The following VSTM4 variants were observed in gnomAD, a reference collection of about 807,000 sequenced individuals.
The protein encoded by VSTM4 is V-set and transmembrane domain-containing protein 4.
VSTM4 carries 20 observed loss-of-function variants against 36.4 expected under a neutral mutation model. The observed-to-expected ratio is 0.55, with a 90% CI of 0.39 to 0.80. VSTM4 has a LOEUF of 0.80. Among genes scored for constraint, VSTM4 ranks in the 30% least tolerant of loss-of-function variants. The pLI is 0.00. For synonymous variants in VSTM4, 182 were observed against 173.9 expected, an observed-to-expected ratio of 1.05 and a Z score of -0.37; for missense variants, 392 against 404.5, an observed-to-expected ratio of 0.97 and a Z score of 0.26.
Position 49,016,416 on chromosome 10 carries a change from C to T in VSTM4, c.*3234G>A, listed in dbSNP as rs1336453090. 6.6e-6 allele frequency: 1 copy of T among 152,214 alleles called. No homozygotes were observed. Among genetic ancestry groups the T allele is most frequent in the Admixed American group, 6.5e-5 (1 of 15,284 alleles). 9.4% of individuals were successfully genotyped at this position (152,214 alleles called of 1,614,324 possible). On this transcript the variant is annotated 3_prime_UTR_variant, in exon 8 of 8. Coordinates refer to ENST00000332853, the MANE Select transcript of VSTM4 (RefSeq NM_001031746.5). ...ATAGATATGTGCCATTCCAGCTTCA[C>T]TGCCCAAGGCAAAGATGATTTCTTT...
At chr10:49,110,805 T>C (rs537512058) in intron 1 of VSTM4, among the ~76,000 whole-genome samples, 4 of 152,242 alleles carry the variant, frequency 2.6e-5, no homozygotes, top group East Asian at 1.9e-4. Context: ...AGCACCTTGA[T>C]TGGATTTCCA....
chr10:49,048,149 A>C (rs772852804), intron 6 of VSTM4, among the ~76,000 whole-genome samples: 3 of 152,082 alleles, frequency 2.0e-5, no homozygotes, highest in South Asian at 2.1e-4. Flanking sequence ...CCACCACCCC[A>C]CCTCATGTGT....
intron 1 of VSTM4, among the ~76,000 whole-genome samples, chr10:49,109,798 T>A (rs1202421716): frequency 6.6e-6 from 1 of 152,196 alleles, no homozygotes; most frequent in East Asian, 1.9e-4. Context: ...GGACCCACTC[T>A]GGTAGCAATC....
chr10:49,060,853 C>T (rs1469074353), intron 5 of VSTM4, among the ~76,000 whole-genome samples: 1 of 152,152 alleles, frequency 6.6e-6, no homozygotes, highest in African/African-American at 2.4e-5. Context: ...CAATGTGAGA[C>T]AAGGGTCTCA....
chr10:49,077,146 T>G (rs1355932482), intron 4 of VSTM4, 73 bp downstream of exon 4: 6 of 1,472,670 alleles, frequency 4.1e-6, no homozygotes, highest in Non-Finnish European at 5.6e-6. Context: ...GGTGGTACTT[T>G]GTCTAGCATC....
chr10:49,035,192 C>T (rs11591665), intron 7 of VSTM4, among the ~76,000 whole-genome samples: 15,771 of 152,192 alleles, frequency 0.1, 1,092 homozygotes, highest in Middle Eastern at 0.18. Context: ...ATCCTCCAGC[C>T]CAGCACATCT....
intron 1 of VSTM4, among the ~76,000 whole-genome samples, chr10:49,110,494 G>C (rs1844873482): frequency 6.6e-6 from 1 of 152,134 alleles, no homozygotes; most frequent in Non-Finnish European, 1.5e-5. Flanking sequence ...ACAAACTTCT[G>C]TTTCTTCTAC....
intron 5 of VSTM4, among the ~76,000 whole-genome samples, chr10:49,052,132 G>A (rs1843707654): frequency 1.3e-5 from 2 of 152,118 alleles, no homozygotes; most frequent in Admixed American, 1.3e-4. Context: ...AATTTCTAAA[G>A]CTGGAATTAC....
At chr10:49,078,447 C>A (rs1021852603) in intron 3 of VSTM4, among the ~76,000 whole-genome samples, 9 of 151,560 alleles carry the variant, frequency 5.9e-5, no homozygotes, top group African/African-American at 1.9e-4. Context: ...CACACCACAG[C>A]ATCCTCAGAA....
chr10:49,056,013 G>A (rs1472318047), intron 5 of VSTM4, among the ~76,000 whole-genome samples: 1 of 152,268 alleles, frequency 6.6e-6, no homozygotes, highest in African/African-American at 2.4e-5. Flanking sequence ...GGGTTGCAAA[G>A]CTGTGCTCTC....
chr10:49,025,812 G>T (rs1843251974), intron 7 of VSTM4, among the ~76,000 whole-genome samples: 1 of 152,236 alleles, frequency 6.6e-6, no homozygotes, highest in South Asian at 2.1e-4. Context: ...GACAGATCCT[G>T]CAGTCAGCTG....
Position 49,085,954 on chromosome 10 carries a change from C to T in VSTM4, c.526+1G>A. ...AAAAAAAAGAAATATACAAGCTTTA[C>T]CTTCAAAAAATGCCCAAGTCTCTTT... On this transcript the variant is annotated splice_donor_variant, in intron 3 of 7. Transcript: ENST00000332853. LOFTEE classifies it high-confidence loss of function. The T allele has an allele frequency of 2.5e-6, 4 of 1,577,762 alleles. No homozygotes were observed. The highest frequency in any genetic ancestry group is 3.4e-6 in the Non-Finnish European group (4 of 1,161,422).
At chr10:49,105,189 G>A (rs1409888141) in intron 2 of VSTM4, among the ~76,000 whole-genome samples, 3 of 142,206 alleles carry the variant, frequency 2.1e-5, no homozygotes, top group African/African-American at 8.0e-5. Flanking sequence ...AAGAGACAGA[G>A]AGAGAGAGGG....
chr10:49,020,835 G>C (rs555431811), intron 7 of VSTM4, among the ~76,000 whole-genome samples: 5 of 152,082 alleles, frequency 3.3e-5, no homozygotes, highest in African/African-American at 1.2e-4. Flanking sequence ...CAAATTTTAA[G>C]TTAAATTTAC....
At chr10:49,057,571 T>C (rs1843802821) in intron 5 of VSTM4, among the ~76,000 whole-genome samples, 1 of 152,212 alleles carries the variant, frequency 6.6e-6, no homozygotes, top group South Asian at 2.1e-4. Context: ...ATATTCTTTA[T>C]GCCAGGAACC....
chr10:49,081,190 C>T (rs976109771), intron 3 of VSTM4, among the ~76,000 whole-genome samples: 1 of 152,146 alleles, frequency 6.6e-6, no homozygotes, highest in African/African-American at 2.4e-5. Flanking sequence ...CAAACTACTC[C>T]AGAACAGGAT....
chr10:49,036,313 C>G (rs570756529), intron 7 of VSTM4, among the ~76,000 whole-genome samples: 1 of 152,190 alleles, frequency 6.6e-6, no homozygotes, highest in Non-Finnish European at 1.5e-5. Flanking sequence ...GAAATTTTAT[C>G]TCTGCAAAAA....
intron 7 of VSTM4, among the ~76,000 whole-genome samples, chr10:49,027,228 T>C (rs750684348): frequency 1.9e-4 from 29 of 152,166 alleles, no homozygotes; most frequent in Non-Finnish European, 3.2e-4. Context: ...AAGGAAGGCA[T>C]TTTACAACAA....
At chr10:49,054,862 G>T (rs1393229313) in intron 5 of VSTM4, among the ~76,000 whole-genome samples, 2 of 152,172 alleles carry the variant, frequency 1.3e-5, no homozygotes, top group African/African-American at 4.8e-5. Context: ...TGTGCAGGAG[G>T]TGCAGCGAAC....
Sources: allele counts gnomAD v4.1 joint callset (sites outside exome capture counted in the v4.1 genomes callset), GRCh38; gene constraint gnomAD v4.1.1; transcripts MANE v1.5; gene names NCBI Gene and HGNC (gene_info 2026-07-23, HGNC 2026-07-21).